LHFPL3: variants seen among roughly 807,000 people sequenced by gnomAD.
LHFPL3 encodes LHFPL tetraspan subfamily member 3 protein.
Under a neutral mutation model 19.3 loss-of-function variants are expected in LHFPL3, and 5 were observed. That is an observed-to-expected ratio of 0.26 (90% confidence interval 0.14 to 0.54). LHFPL3 has a LOEUF of 0.54. Among genes scored for constraint, LHFPL3 ranks in the 20% least tolerant of loss-of-function variants. The pLI is 0.94. For synonymous variants in LHFPL3, 133 were observed against 126.2 expected (o/e 1.05, Z -0.36); for missense variants, 249 against 307.4 (o/e 0.81, Z 1.42).
intron 2 of LHFPL3, among the ~76,000 whole-genome samples, chr7:104,845,230 C>T (rs1480135937): frequency 6.6e-6 from 1 of 152,198 alleles, no homozygotes; most frequent in Non-Finnish European, 1.5e-5. Context: ...CTGTGATTTT[C>T]CTCAAGTATG....
At chr7:104,874,041 G>C (rs1426107772) in intron 2 of LHFPL3, among the ~76,000 whole-genome samples, 1 of 152,190 alleles carries the variant, frequency 6.6e-6, no homozygotes, top group Non-Finnish European at 1.5e-5. Flanking sequence ...ACCAAACACT[G>C]CTGTTGGGAT....
At chr7:104,433,581 C>G (rs912177453) in intron 1 of LHFPL3, among the ~76,000 whole-genome samples, 1 of 152,206 alleles carries the variant, frequency 6.6e-6, no homozygotes, top group Non-Finnish European at 1.5e-5. Context: ...TCTTTGAACT[C>G]TGCTTCTCTG....
In LHFPL3 at chr7:104,456,014, T is replaced by C. The variant is rs190949866; in HGVS notation, c.445+126790T>C. On this transcript the variant is annotated intron_variant, in intron 1 of 2. Coordinates refer to ENST00000424859, the MANE Select transcript of LHFPL3 (RefSeq NM_199000.3). ...ATAGAGCACCTGAGTACCAGAAATA[T>C]GTTTGTTTTCTGTATCTGTCAGTGT... is the stretch of plus-strand genomic sequence containing the variant. Among the ~76,000 whole-genome samples, 265 of 152,348 alleles carry C rather than the reference T, an allele frequency of 1.7e-3. 2 individuals are homozygous for C. Among genetic ancestry groups the C allele is most frequent in the African/African-American group, 5.9e-3 (247 of 41,588 alleles).
rs71794813 is a variant in LHFPL3, at chr7:104,328,746, C to CAGGAGGAGGAGG, written c.-18_-7dup. On this transcript the variant is annotated 5_prime_UTR_variant, in exon 1 of 3. Coordinates refer to ENST00000424859, the MANE Select transcript of LHFPL3 (RefSeq NM_199000.3). This position sits in a 1 kb window ranked among gnomAD's most constrained non-coding sequence, Gnocchi z 4.6. The stretch of plus-strand genomic sequence containing the variant: ...TGAGAGGCGGGGGGAGGCGGAGGAC[C>CAGGAGGAGGAGG]AGGAGGAGGAGGAGGAGGAGGAGGA... The CAGGAGGAGGAGG allele has an allele frequency of 4.0e-6, 6 of 1,489,982 alleles. No individual in the cohort carries two copies. Among genetic ancestry groups the CAGGAGGAGGAGG allele is most frequent in the African/African-American group, 2.8e-5 (2 of 71,010 alleles). The allele number at this position is 1,489,982 out of a possible 1,614,324, so 92.3% of individuals were successfully genotyped here.
At chr7:104,877,419 G>A (rs767561796) in intron 2 of LHFPL3, among the ~76,000 whole-genome samples, 1 of 151,960 alleles carries the variant, frequency 6.6e-6, no homozygotes, top group African/African-American at 2.4e-5. Context: ...ACAATAAAAG[G>A]ACAAATGACC....
intron 1 of LHFPL3, among the ~76,000 whole-genome samples, chr7:104,672,089 T>TGTG (rs1562962679): frequency 2.6e-5 from 3 of 113,560 alleles, no homozygotes; most frequent in Non-Finnish European, 3.8e-5. Context: ...GTGTGTGTGT[T>TGTG]TGCAATGGTT....
chr7:104,655,531 C>A (rs1392763273), intron 1 of LHFPL3, among the ~76,000 whole-genome samples: 1 of 152,138 alleles, frequency 6.6e-6, no homozygotes, highest in Non-Finnish European at 1.5e-5. Context: ...AATGAAAAAT[C>A]TAATTGGTTT....
chr7:104,497,581 C>T (rs1484751713), intron 1 of LHFPL3, among the ~76,000 whole-genome samples: 1 of 151,204 alleles, frequency 6.6e-6, no homozygotes, highest in Non-Finnish European at 1.5e-5. Flanking sequence ...TTCTCTTCTG[C>T]TGTTACTATG....
chr7:104,615,145 C>T (rs1038294041), intron 1 of LHFPL3, among the ~76,000 whole-genome samples: 1 of 152,166 alleles, frequency 6.6e-6, no homozygotes, highest in South Asian at 2.1e-4. Flanking sequence ...GAAAATATTT[C>T]TTCACATATA....
At chr7:104,518,664 A>G (rs978408383) in intron 1 of LHFPL3, among the ~76,000 whole-genome samples, 2 of 152,182 alleles carry the variant, frequency 1.3e-5, no homozygotes, top group South Asian at 2.1e-4. Context: ...GGCACCTGCA[A>G]TCTCAGCTAT....
intron 1 of LHFPL3, among the ~76,000 whole-genome samples, chr7:104,546,536 T>C (rs1342553320): frequency 1.3e-5 from 2 of 152,204 alleles, no homozygotes; most frequent in East Asian, 3.8e-4. Context: ...GGATGAAAAC[T>C]GCTCTCTTAA....
At chr7:104,579,186 A>C (rs1790404921) in intron 1 of LHFPL3, among the ~76,000 whole-genome samples, 2 of 152,278 alleles carry the variant, frequency 1.3e-5, no homozygotes, top group Middle Eastern at 3.4e-3. Context: ...TAGATTCGGG[A>C]GTACGTGTGC....
intron 1 of LHFPL3, among the ~76,000 whole-genome samples, chr7:104,370,197 G>C (rs1790584544): frequency 6.6e-6 from 1 of 152,154 alleles, no homozygotes; most frequent in Non-Finnish European, 1.5e-5. Flanking sequence ...GTCCCCTGAG[G>C]AGAGGCTGCT....
intron 2 of LHFPL3, among the ~76,000 whole-genome samples, chr7:104,756,882 T>C (rs1794294886): frequency 1.3e-5 from 2 of 152,210 alleles, no homozygotes; most frequent in South Asian, 4.1e-4. Flanking sequence ...TTCTGACAAC[T>C]TTTTTCACTA....
At chr7:104,842,163 TCA>T (rs1277979027) in intron 2 of LHFPL3, among the ~76,000 whole-genome samples, 5 of 139,564 alleles carry the variant, frequency 3.6e-5, no homozygotes, top group African/African-American at 5.4e-5. Flanking sequence ...ATCAACCTCC[TCA>T]CACACACACA....
rs71155514 is a variant in LHFPL3 at position 104,666,512 on chromosome 7, C to CTTTTTTTTTTT, written c.446-70146_446-70136dup. On this transcript the variant is annotated intron_variant, in intron 1 of 2. Coordinates refer to ENST00000424859, the MANE Select transcript of LHFPL3 (RefSeq NM_199000.3). ...TTGCTGAAAATGACAGGATTTCATT[C>CTTTTTTTTTTT]TTTTTTTTTTTTTTTTTTTTTTTTT... Among the ~76,000 whole-genome samples the CTTTTTTTTTTT allele has an allele frequency of 5.6e-3, 237 of 42,234 alleles. 58 individuals are homozygous for CTTTTTTTTTTT. The highest frequency in any genetic ancestry group is 8.1e-3 in the East Asian group (11 of 1,354). 27.7% of individuals were successfully genotyped at this position (42,234 alleles called of 152,430 possible).
chr7:104,543,038 A>G (rs1794517409), intron 1 of LHFPL3, among the ~76,000 whole-genome samples: 1 of 152,130 alleles, frequency 6.6e-6, no homozygotes, highest in African/African-American at 2.4e-5. Flanking sequence ...CATCCTCAGC[A>G]AACTAACACA....
At chr7:104,840,268 A>G (rs35324592) in intron 2 of LHFPL3, among the ~76,000 whole-genome samples, 13,373 of 148,980 alleles carry the variant, frequency 0.09, 1,324 homozygotes, top group East Asian at 0.43. Flanking sequence ...ATTTTCTTGA[A>G]GATTCTCATT....
chr7:104,675,145 G>C (rs1174697276), intron 1 of LHFPL3, among the ~76,000 whole-genome samples: 1 of 152,236 alleles, frequency 6.6e-6, no homozygotes, highest in Non-Finnish European at 1.5e-5. Context: ...CATGGTGGGA[G>C]GCAGTATACT....
Sources: gnomAD v4.1 joint callset for allele counts (sites outside exome capture counted in the v4.1 genomes callset) on GRCh38, gnomAD v4.1.1 for gene constraint, Gnocchi (gnomAD v3.1) non-coding constraint, MANE v1.5 for transcripts, NCBI Gene and HGNC (gene_info 2026-07-23, HGNC 2026-07-21) for gene names.